The following IGFL2 variants were observed in gnomAD, a reference collection of about 807,000 sequenced individuals.
IGFL2 encodes IGF like family member 2.
IGFL2 carries 7 observed loss-of-function variants against 13.9 expected under a neutral mutation model. The ratio of observed to expected loss-of-function variants is 0.51; its 90% confidence interval spans 0.29 to 0.95. IGFL2 has a LOEUF of 0.95. Ranked by LOEUF, IGFL2 falls within the 40% of genes least tolerant of loss-of-function variation. The pLI is 0.08. For synonymous variants in IGFL2, 55 were observed against 55.8 expected, an observed-to-expected ratio of 0.99 and a Z score of 0.07; for missense variants, 138 against 147.8, an observed-to-expected ratio of 0.93 and a Z score of 0.34.
In IGFL2 at chr19:46,160,763, T is replaced by C. The variant is rs769136637; in HGVS notation, c.223T>C (p.Cys75Arg). 3.7e-6 allele frequency: 6 copies of C among 1,614,210 alleles called. No homozygotes were observed. The Admixed American group carries it at 1.0e-4, about 27-fold the overall frequency. Residue 75 changes from cysteine to arginine, a missense_variant, in exon 3 of 4, where the codon TGC (cysteine) becomes CGC (arginine). Transcript: ENST00000377693. ...TGGTCCCCCCTGCACCTTCTGGCCC[T>C]GCTTTGAGCTCTGCTGTCTTGATTC... The part of the protein sequence containing the change: ...QCGPPCTFWP[C>R]FELCCLDSFG...
the IGFL2 span, chr19:46,180,698 T>TA: frequency 6.6e-6 from 1 of 151,978 alleles, no homozygotes; most frequent in South Asian, 2.1e-4. Flanking sequence ...ACCTGAAAAA[T>TA]ATGACAGTGA....
the IGFL2 span, among the ~76,000 whole-genome samples, chr19:46,090,606 C>G: frequency 1.3e-5 from 2 of 152,230 alleles, no homozygotes; most frequent in Non-Finnish European, 2.9e-5. Flanking sequence ...GTGACCTATG[C>G]TGGTACGTGA....
At chr19:46,192,961 G>A in the IGFL2 span, among the ~76,000 whole-genome samples, 2 of 150,940 alleles carry the variant, frequency 1.3e-5, no homozygotes, top group Non-Finnish European at 3.0e-5. Context: ...AGGCCAAGGT[G>A]GGTGGATCAC....
the IGFL2 span, among the ~76,000 whole-genome samples, chr19:46,130,656 G>T: frequency 6.6e-6 from 1 of 152,132 alleles, no homozygotes; most frequent in Non-Finnish European, 1.5e-5. Flanking sequence ...AATAAAGTGA[G>T]CAAGAACTAA....
the IGFL2 span, among the ~76,000 whole-genome samples, chr19:46,187,159 T>C: frequency 2.6e-5 from 4 of 152,196 alleles, no homozygotes; most frequent in Admixed American, 6.5e-5. Context: ...TGGTGAGCAT[T>C]AACCCGTTTA....
At chr19:46,149,033 G>A in intron 1 of IGFL2, 4 of 1,605,272 alleles carry the variant, frequency 2.5e-6, no homozygotes, top group Non-Finnish European at 3.4e-6. Context: ...CCAGGAGTGT[G>A]CTGGGTAAGT....
At chr19:46,091,465 G>A in the IGFL2 span, among the ~76,000 whole-genome samples, 1 of 152,194 alleles carries the variant, frequency 6.6e-6, no homozygotes, top group African/African-American at 2.4e-5. Context: ...ACTTTAATCA[G>A]TATACAAATT....
At chr19:46,111,689 C>T in the IGFL2 span, 1 of 152,212 alleles carries the variant, frequency 6.6e-6, no homozygotes, top group Non-Finnish European at 1.5e-5. Context: ...AGATGAGTCA[C>T]ATCTTCATTG....
At chr19:46,133,527 G>A in the IGFL2 span, among the ~76,000 whole-genome samples, 2 of 152,320 alleles carry the variant, frequency 1.3e-5, no homozygotes, top group East Asian at 3.9e-4. Flanking sequence ...AGAGGCAAAA[G>A]CACTTCCAAA....
At chr19:46,193,553 AGAT>A in the IGFL2 span, among the ~76,000 whole-genome samples, 1 of 152,200 alleles carries the variant, frequency 6.6e-6, no homozygotes, top group Non-Finnish European at 1.5e-5. Flanking sequence ...TTCAGTAAAA[AGAT>A]GAAAATTCTC....
chr19:46,091,045 A>G, the IGFL2 span, among the ~76,000 whole-genome samples: 1 of 152,102 alleles, frequency 6.6e-6, no homozygotes, highest in Non-Finnish European at 1.5e-5. Context: ...ACTCTCTTCA[A>G]TGCATCTTTT....
At chr19:46,208,250 A>C in the IGFL2 span, 1 of 152,244 alleles carries the variant, frequency 6.6e-6, no homozygotes, top group African/African-American at 2.4e-5. Flanking sequence ...TTGGCAGCAG[A>C]AGGACATTCA....
chr19:46,083,498 A>G, the IGFL2 span, among the ~76,000 whole-genome samples: 1 of 152,256 alleles, frequency 6.6e-6, no homozygotes, highest in African/African-American at 2.4e-5. Flanking sequence ...ACTATGTTGT[A>G]AACACAGTTA....
chr19:46,145,358 A>T (rs1291304744), upstream of IGFL2, among the ~76,000 whole-genome samples: 1 of 151,794 alleles, frequency 6.6e-6, no homozygotes, highest in African/African-American at 2.4e-5. Context: ...AAATACACAT[A>T]CTCCGGCACT....
chr19:46,091,181 A>G, the IGFL2 span, among the ~76,000 whole-genome samples: 2 of 152,196 alleles, frequency 1.3e-5, no homozygotes, highest in Non-Finnish European at 2.9e-5. Context: ...AGAGAGTCCT[A>G]ATGCACCATC....
chr19:46,142,892 C>T (rs1972922217), upstream of IGFL2, among the ~76,000 whole-genome samples: 2 of 152,190 alleles, frequency 1.3e-5, no homozygotes, highest in Non-Finnish European at 2.9e-5. Context: ...GTCAAGCCTT[C>T]ACAGCAAATA....
chr19:46,151,780 T>A (rs996580143), intron 1 of IGFL2, among the ~76,000 whole-genome samples: 5 of 152,138 alleles, frequency 3.3e-5, no homozygotes, highest in Admixed American at 3.3e-4. Context: ...AGGCATGCGG[T>A]GTGCGTCTGT....
At chr19:46,180,195 C>G in the IGFL2 span, among the ~76,000 whole-genome samples, 1 of 71,008 alleles carries the variant, frequency 1.4e-5, no homozygotes, top group Non-Finnish European at 3.9e-5. Context: ...TTTTTTTTTT[C>G]TGAGACAGAG....
chr19:46,097,290 A>G, the IGFL2 span, among the ~76,000 whole-genome samples: 1 of 152,158 alleles, frequency 6.6e-6, no homozygotes, highest in South Asian at 2.1e-4. Flanking sequence ...TAAATTTTCT[A>G]GTTTATTTGC....
Sources: gnomAD v4.1 joint callset for allele counts (sites outside exome capture counted in the v4.1 genomes callset) on GRCh38, gnomAD v4.1.1 for gene constraint, MANE v1.5 for transcripts, NCBI Gene and HGNC (gene_info 2026-07-23, HGNC 2026-07-21) for gene names.